The following RGL2 variants were observed in gnomAD, a reference collection of about 807,000 sequenced individuals.
RGL2 encodes the protein ral guanine nucleotide dissociation stimulator-like 2.
Under a neutral mutation model 84.6 loss-of-function variants are expected in RGL2, and 40 were observed. The ratio of observed to expected loss-of-function variants is 0.47; its 90% CI spans 0.37 to 0.62. RGL2 has a LOEUF of 0.62. RGL2 is among the 20% of genes least tolerant of loss of function. The pLI, the probability that RGL2 is intolerant of heterozygous loss-of-function variation, is 0.00. For missense variants in RGL2, 865 were observed against 1,019.7 expected (o/e 0.85, Z 2.07); for synonymous variants, 369 against 417.3 (o/e 0.88, Z 1.41).
chr6:33,296,791 G>A lies in RGL2; in HGVS notation c.241-15C>T. ...GGCATAGGGACCTGGAGAACACAGAGAGATGATCGCTAACCCTTTCTCCCA... is the reference window on the plus strand; with the variant it reads ...GGCATAGGGACCTGGAGAACACAGAAAGATGATCGCTAACCCTTTCTCCCA... On this transcript the variant is annotated splice_polypyrimidine_tract_variant and intron_variant, in intron 3 of 17. Transcript: ENST00000497454. This position sits in a 1 kb window ranked among gnomAD's most constrained non-coding sequence, Gnocchi z 5.0. 6.2e-7 allele frequency: 1 copy of A among 1,613,932 alleles called. No homozygotes were observed. Among genetic ancestry groups the A allele is most frequent in the Non-Finnish European group, 8.5e-7 (1 of 1,179,988 alleles).
In RGL2 at chr6:33,293,177, G is replaced by T; in HGVS notation, c.1846C>A (p.Arg616Ser). Residue 616 changes from arginine (R) to serine (S), a missense_variant, in exon 16 of 18, where the codon CGC becomes AGC. This residue lies in a region of RGL2 where 302 missense variants were observed against 327.9 expected (regional missense o/e 0.92). Transcript: ENST00000497454. This position sits in a 1 kb window ranked among gnomAD's most constrained non-coding sequence, Gnocchi z 7.0. ...AGCGGGGAGCCACAGGAGGCTGAGCGGCGGTGACCTCGAGAAGGCCTAGGG... is the reference window on the plus strand; with the variant it reads ...AGCGGGGAGCCACAGGAGGCTGAGCTGCGGTGACCTCGAGAAGGCCTAGGG... ...SSPRPSRGHRRSASCGSPLSG... is the reference protein window; with the variant it reads ...SSPRPSRGHRSSASCGSPLSG... 6.2e-7 allele frequency: 1 copy of T among 1,602,132 alleles called. No homozygotes were observed. The highest frequency in any genetic ancestry group is 8.5e-7 in the Non-Finnish European group (1 of 1,174,660).
Position 33,298,702 on chromosome 6 carries a change from G to A in RGL2, c.-41-51C>T. The A allele has an allele frequency of 2.4e-6, 2 of 846,612 alleles. No individual in the cohort carries two copies. Among genetic ancestry groups the A allele is most frequent in the Non-Finnish European group, 3.4e-6 (2 of 582,170 alleles). 52.4% of individuals were successfully genotyped at this position (846,612 alleles called of 1,614,324 possible). ...GGTGGAGAGTCAGGCAGGCGCGGGG[G>A]AACCGGGCAGGGAAGGGACGTGGGT... On this transcript the variant is annotated intron_variant, in intron 1 of 17. Coordinates refer to ENST00000497454, the MANE Select transcript of RGL2 (RefSeq NM_004761.5). This position sits in a 1 kb window ranked among gnomAD's most constrained non-coding sequence, Gnocchi z 4.8.
Position 33,297,132 on chromosome 6 carries a change from G to A in RGL2, c.157-17C>T. 6.5e-7 allele frequency: 1 copy of A among 1,536,618 alleles called. No individual in the cohort carries two copies. The highest frequency in any genetic ancestry group is 8.7e-7 in the Non-Finnish European group (1 of 1,146,426). ...CACAGGGGCCTGGAGGAGCAAGGAA[G>A]GGGAAGTCAGACAGTTCCACACCAC... On this transcript the variant is annotated splice_polypyrimidine_tract_variant and intron_variant, in intron 2 of 17. Coordinates refer to ENST00000497454, the MANE Select transcript of RGL2 (RefSeq NM_004761.5). This position sits in a 1 kb window ranked among gnomAD's most constrained non-coding sequence, Gnocchi z 4.0.
Position 33,295,860 on chromosome 6 carries a change from C to T in RGL2, c.769-101G>A, listed in dbSNP as rs1201985822. 2 of 1,481,330 alleles carry T rather than the reference C, an allele frequency of 1.4e-6. No homozygotes were observed. Among genetic ancestry groups the T allele is most frequent in the Admixed American group, 1.8e-5 (1 of 55,476 alleles). The allele number at this position is 1,481,330 out of a possible 1,614,324, so 91.8% of individuals were successfully genotyped here. A position where few individuals can be genotyped will look rare whatever the true frequency, so the allele number is the denominator to read the frequency against. ...TCAGGTGGCCAAGGAACCAGAGGGG[C>T]ACAGGGTTTGAAGGGTAACGACCAA... is the stretch of plus-strand genomic sequence containing the variant. On this transcript the variant is annotated intron_variant, in intron 6 of 17. Transcript: ENST00000497454. The surrounding 1 kb of genome is among the most constrained non-coding windows in gnomAD (Gnocchi z 7.2).
chr6:33,292,257 C>A lies in RGL2; in HGVS notation c.2179G>T (p.Asp727Tyr). ...CTTCGCCGCTGCCGCAGGAGGAAAT[C>A]GTGTGAAGCTCCATCCATGGCGTAG... ...VFYAMDGASH[D>Y]FLLRQRRRSS... The change falls in exon 18 of 18, where the codon GAT becomes TAT. Residue 727 changes from aspartate to tyrosine, a missense_variant. Coordinates refer to ENST00000497454, the MANE Select transcript of RGL2 (RefSeq NM_004761.5). The A allele has an allele frequency of 1.2e-6, 2 of 1,614,196 alleles. No individual in the cohort carries two copies. Among genetic ancestry groups the A allele is most frequent in the Non-Finnish European group, 1.7e-6 (2 of 1,180,032 alleles).
chr6:33,293,892 G>A lies in RGL2; in HGVS notation c.1411C>T (p.Arg471Ter). The change falls in exon 13 of 18, where the codon CGA becomes TGA. Residue 471 changes from arginine to a stop codon, truncating the protein, a stop_gained. Coordinates refer to ENST00000497454, the MANE Select transcript of RGL2 (RefSeq NM_004761.5). LOFTEE classifies it high-confidence loss of function. This position sits in a 1 kb window ranked among gnomAD's most constrained non-coding sequence, Gnocchi z 7.0. ...RKEFAVLSEL[R>*]RLQNECRGYN... ...CCACGACATTCATTCTGGAGCCGTC[G>A]CAACTCAGAAAGGACTGCAAACTCC... The A allele has an allele frequency of 1.9e-6, 3 of 1,614,010 alleles. No individual in the cohort carries two copies. The highest frequency in any genetic ancestry group is 2.7e-5 in the African/African-American group (2 of 74,972).
Position 33,295,090 on chromosome 6 carries a change from C to A in RGL2, c.1209+37G>T. 1.3e-6 allele frequency: 2 copies of A among 1,596,866 alleles called. No homozygotes were observed. Among genetic ancestry groups the A allele is most frequent in the Non-Finnish European group, 1.7e-6 (2 of 1,171,002 alleles). ...AGAGACATGGGGGAGCAGTAGGGAACAAGGAGAGGTGGGAATGCCACAAAC... is the reference window on the plus strand; with the variant it reads ...AGAGACATGGGGGAGCAGTAGGGAAAAAGGAGAGGTGGGAATGCCACAAAC... On this transcript the variant is annotated intron_variant, in intron 9 of 17. Transcript: ENST00000497454. The surrounding 1 kb of genome is among the most constrained non-coding windows in gnomAD (Gnocchi z 7.2).
chr6:33,298,351 A>T lies in RGL2; in HGVS notation c.156+104T>A, dbSNP rs1768214675. 1 of 639,654 alleles carries T rather than the reference A, an allele frequency of 1.6e-6. No individual in the cohort carries two copies. Among genetic ancestry groups the T allele is most frequent in the Non-Finnish European group, 2.6e-6 (1 of 379,562 alleles). 39.6% of individuals were successfully genotyped at this position (639,654 alleles called of 1,614,324 possible). A position where few individuals can be genotyped will look rare whatever the true frequency, so the allele number is the denominator to read the frequency against. The stretch of plus-strand genomic sequence containing the variant: ...GGGCCGACACCCAGGGAGGCGCGAG[A>T]ATAACTGAGGCAAGGAGGAGGAGAT... On this transcript the variant is annotated intron_variant, in intron 2 of 17. Coordinates refer to ENST00000497454, the MANE Select transcript of RGL2 (RefSeq NM_004761.5). This position sits in a 1 kb window ranked among gnomAD's most constrained non-coding sequence, Gnocchi z 4.8.
upstream of RGL2, chr6:33,301,568 C>T (rs113457416): frequency 0.011 from 6,473 of 585,508 alleles, 299 homozygotes; most frequent in African/African-American, 0.11. Flanking sequence ...AGTGAGACTC[C>T]GTCTCAAAAA....
At chr6:33,299,858 A>G (rs1259097392), upstream of RGL2, 3 of 152,382 alleles carry the variant, frequency 2.0e-5, no homozygotes, top group African/African-American at 4.8e-5. This position sits in a 1 kb window ranked among gnomAD's most constrained non-coding sequence, Gnocchi z 5.0. Context: ...TTAGGTCCCT[A>G]TGCCGGCGCG....
Position 33,293,736 on chromosome 6 carries a change from G to T in RGL2, c.1509-37C>A, listed in dbSNP as rs371064076. 3 of 1,613,158 alleles carry T rather than the reference G, an allele frequency of 1.9e-6. No individual in the cohort carries two copies. The highest frequency in any genetic ancestry group is 1.7e-5 in the Admixed American group (1 of 59,976). ...GGGCAATAGGCAGAGCTCAGGACAT[G>T]ACACCAATCCCCCACACCTGGCCAG... On this transcript the variant is annotated intron_variant, in intron 13 of 17. Transcript: ENST00000497454. This position sits in a 1 kb window ranked among gnomAD's most constrained non-coding sequence, Gnocchi z 7.0.
chr6:33,296,050 T>G lies in RGL2; in HGVS notation c.746A>C (p.Glu249Ala). 1 of 1,613,438 alleles carries G rather than the reference T, an allele frequency of 6.2e-7. No homozygotes were observed. The highest frequency in any genetic ancestry group is 8.5e-7 in the Non-Finnish European group (1 of 1,179,936). ...VLVFLADHLAEQLTLLDAELF... is the reference protein window; with the variant it reads ...VLVFLADHLAAQLTLLDAELF... ...CACCGCATCTAGCAGGGTCAGCTGT[T>G]CGGCCAAGTGGTCAGCGAGGAACAC... The change falls in exon 6 of 18, where the codon GAA becomes GCA. Residue 249 changes from glutamate (E) to alanine (A), a missense_variant. Physicochemically the swap from Glu to Ala is moderately radical, Grantham distance 107 (BLOSUM62 -1). Coordinates refer to ENST00000497454, the MANE Select transcript of RGL2 (RefSeq NM_004761.5). The surrounding 1 kb of genome is among the most constrained non-coding windows in gnomAD (Gnocchi z 5.0).
Position 33,297,864 on chromosome 6 carries a change from C to T in RGL2, c.156+591G>A, listed in dbSNP as rs985022325. The T allele has an allele frequency of 6.6e-6, 1 of 152,394 alleles. No homozygotes were observed. Among genetic ancestry groups the T allele is most frequent in the African/African-American group, 2.4e-5 (1 of 41,446 alleles). 9.4% of individuals were successfully genotyped at this position (152,394 alleles called of 1,614,324 possible). On this transcript the variant is annotated intron_variant, in intron 2 of 17. Transcript: ENST00000497454. This position sits in a 1 kb window ranked among gnomAD's most constrained non-coding sequence, Gnocchi z 4.0. ...ATCCAAATTCTGGCCCCTCCTGAGG[C>T]CCGAAATCCTGCTCCTGGCCACCAC...
chr6:33,298,833 A>C lies in RGL2; in HGVS notation c.-42+37T>G. On this transcript the variant is annotated intron_variant, in intron 1 of 17. Coordinates refer to ENST00000497454, the MANE Select transcript of RGL2 (RefSeq NM_004761.5). The surrounding 1 kb of genome is among the most constrained non-coding windows in gnomAD (Gnocchi z 4.8). Reference sequence around the variant, plus strand: ...GGTGCTGTTGGGGAAGGAGGAGGTCACGAGTACGGGGACGCGCAGGGTGCT... The same window carrying C: ...GGTGCTGTTGGGGAAGGAGGAGGTCCCGAGTACGGGGACGCGCAGGGTGCT... The C allele has an allele frequency of 3.0e-6, 1 of 333,948 alleles. No homozygotes were observed. Among genetic ancestry groups the C allele is most frequent in the East Asian group, 5.5e-5 (1 of 18,152 alleles). The allele number at this position is 333,948 out of a possible 1,614,324, so 20.7% of individuals were successfully genotyped here.
At chr6:33,292,800 A>G (rs1424677392) in intron 16 of RGL2, among the ~76,000 whole-genome samples, 2 of 152,250 alleles carry the variant, frequency 1.3e-5, no homozygotes, top group African/African-American at 4.8e-5. Flanking sequence ...AAGGTGTAGC[A>G]ACTAATGCAA....
In RGL2 at chr6:33,293,398, A is replaced by G; in HGVS notation, c.1716+15T>C. 1 of 1,610,120 alleles carries G rather than the reference A, an allele frequency of 6.2e-7. No homozygotes were observed. The highest frequency in any genetic ancestry group is 8.5e-7 in the Non-Finnish European group (1 of 1,178,430). ...GAGGGTCAGCGTCAAGGTCAGAGTC[A>G]GGAGCAGAGCTCACCTGGGCCAGCC... On this transcript the variant is annotated intron_variant, in intron 15 of 17. Transcript: ENST00000497454. This position sits in a 1 kb window ranked among gnomAD's most constrained non-coding sequence, Gnocchi z 7.0.
Position 33,297,502 on chromosome 6 carries a change from G to A in RGL2, c.157-387C>T, listed in dbSNP as rs578090878. 3.6e-5 allele frequency: 8 copies of A among 224,196 alleles called. No individual in the cohort carries two copies. Among genetic ancestry groups the A allele is most frequent in the Non-Finnish European group, 7.1e-5 (8 of 112,744 alleles). 13.9% of individuals were successfully genotyped at this position (224,196 alleles called of 1,614,324 possible). ...AAGCCAGAGGCAGCGACTAGGGGTA[G>A]CTGAAACCTCAGTCCAGGCACTGCC... On this transcript the variant is annotated intron_variant, in intron 2 of 17. Transcript: ENST00000497454. This position sits in a 1 kb window ranked among gnomAD's most constrained non-coding sequence, Gnocchi z 4.0.
Position 33,298,664 on chromosome 6 carries a change from G to A in RGL2, c.-41-13C>T. On this transcript the variant is annotated splice_polypyrimidine_tract_variant and intron_variant, in intron 1 of 17. Coordinates refer to ENST00000497454, the MANE Select transcript of RGL2 (RefSeq NM_004761.5). This position sits in a 1 kb window ranked among gnomAD's most constrained non-coding sequence, Gnocchi z 4.8. Reference sequence around the variant, plus strand: ...GCCATGGGGGCGCCTGGGGAGAGACGGGGTGGGGTGGGGGTGGAGAGTCAG... The same window carrying A: ...GCCATGGGGGCGCCTGGGGAGAGACAGGGTGGGGTGGGGGTGGAGAGTCAG... 1.6e-6 allele frequency: 2 copies of A among 1,233,622 alleles called. No homozygotes were observed. The highest frequency in any genetic ancestry group is 2.2e-6 in the Non-Finnish European group (2 of 924,748). The allele number at this position is 1,233,622 out of a possible 1,614,324, so 76.4% of individuals were successfully genotyped here.
chr6:33,296,164 A>T lies in RGL2; in HGVS notation c.632T>A (p.Leu211His). 1 of 1,613,862 alleles carries T rather than the reference A, an allele frequency of 6.2e-7. No homozygotes were observed. The highest frequency in any genetic ancestry group is 8.5e-7 in the Non-Finnish European group (1 of 1,179,956). ...GGGSADLIRN[L>H]RSRVDPQAPD... ...GGCCTGGGGGTCCACCCGGGACCGG[A>T]GATTGCGGATGAGGTCAGCGCTGCC... Residue 211 changes from leucine to histidine, a missense_variant, in exon 6 of 18, where the codon CTC becomes CAC. This residue lies in a region of RGL2 where 455 missense variants were observed against 507.8 expected (regional missense o/e 0.90). Transcript: ENST00000497454. The surrounding 1 kb of genome is among the most constrained non-coding windows in gnomAD (Gnocchi z 5.0).
Sources: gnomAD v4.1 joint callset for allele counts (sites outside exome capture counted in the v4.1 genomes callset) on GRCh38, gnomAD v4.1.1 for gene constraint, gnomAD v4.1.1 regional missense constraint, Gnocchi (gnomAD v3.1) non-coding constraint, MANE v1.5 for transcripts, NCBI Gene and HGNC (gene_info 2026-07-23, HGNC 2026-07-21) for gene names.